The following SMIM9 variants were observed in gnomAD, a reference collection of about 807,000 sequenced individuals.
SMIM9 encodes chromosome X open reading frame 68.
SMIM9 carries 8 observed loss-of-function variants against 7.2 expected under a neutral mutation model. The observed-to-expected ratio is 1.10, with a 90% CI of 0.65 to 1.99. SMIM9 has a LOEUF of 1.99. Ranked by LOEUF, SMIM9 falls within the 30% of genes most tolerant of loss-of-function variation. SMIM9 has a pLI of 0.00. For missense variants in SMIM9, 76 were observed against 69.3 expected (o/e 1.10, Z -0.34); for synonymous variants, 19 against 26.4 (o/e 0.72, Z 0.86).
Position 154,830,797 on chromosome X carries a change from C to G in SMIM9, c.60G>C (p.Leu20Phe), listed in dbSNP as rs1169179939. The change falls in exon 3 of 5, where the codon TTG (leucine) becomes TTC (phenylalanine). Residue 20 changes from leucine (L) to phenylalanine (F), a missense_variant. By Grantham distance (22) the Leu-to-Phe change is conservative (BLOSUM62 0). Transcript: ENST00000369529. Reference sequence around the variant, plus strand: ...AAGGAGAGGAAGCTACTGTCTCCAACAAGAGGCAAGTTAGAGAGCATAGCA... The same window carrying G: ...AAGGAGAGGAAGCTACTGTCTCCAAGAAGAGGCAAGTTAGAGAGCATAGCA... Reference protein sequence around the residue: ...GFLLCSLTCLLLETVASSPLP... With the variant: ...GFLLCSLTCLFLETVASSPLP... The G allele has an allele frequency of 8.6e-7, 1 of 1,165,806 alleles. No homozygotes were observed. Among genetic ancestry groups the G allele is most frequent in the African/African-American group, 1.8e-5 (1 of 55,538 alleles).
At chrX:154,826,587 G>A (rs1485859683) in intron 4 of SMIM9, among the ~76,000 whole-genome samples, 1 of 112,365 alleles carries the variant, frequency 8.9e-6, no homozygotes, top group South Asian at 3.7e-4. Context: ...TGTATCAAAT[G>A]TTTTGAATTT....
At position 154,824,261 on chromosome X, in the gene SMIM9, G is replaced by A. The variant is rs782506132; in HGVS notation, c.273-479C>T. Among the ~76,000 whole-genome samples the A allele has an allele frequency of 3.8e-5, 4 of 104,519 alleles. No homozygotes were observed. The East Asian group carries it at 9.1e-4, about 24-fold the overall frequency. The allele number at this position is 104,519 out of a possible 115,157, so 90.8% of individuals were successfully genotyped here. A position where few individuals can be genotyped will look rare whatever the true frequency, so the allele number is the denominator to read the frequency against. ...AGTCCCAGCTACTCGGGAGGCTGAG[G>A]CAGGAGAATGGCGTGAACCCGGAGG... is the stretch of plus-strand genomic sequence containing the variant. On this transcript the variant is annotated intron_variant, in intron 4 of 4. Coordinates refer to ENST00000369529, the MANE Select transcript of SMIM9 (RefSeq NM_001162936.4).
At chrX:154,834,272 A>AAC (rs2072458880) in intron 1 of SMIM9, among the ~76,000 whole-genome samples, 1 of 112,366 alleles carries the variant, frequency 8.9e-6, no homozygotes, top group African/African-American at 3.2e-5. Flanking sequence ...ATGGTGGAGT[A>AAC]ACATGCATGA....
intron 4 of SMIM9, among the ~76,000 whole-genome samples, chrX:154,824,379 A>G (rs1466236305): frequency 9.4e-6 from 1 of 106,436 alleles, no homozygotes; most frequent in Non-Finnish European, 2.0e-5. Context: ...AAAAAAAAGA[A>G]AAAGAAAAAA....
chrX:154,823,524 T>C lies in SMIM9; in HGVS notation c.*231A>G, dbSNP rs1557270020. 3.4e-6 allele frequency: 1 copy of C among 296,732 alleles called. No homozygotes were observed. The highest frequency in any genetic ancestry group is 5.9e-6 in the Non-Finnish European group (1 of 170,417). 24.5% of individuals were successfully genotyped at this position (296,732 alleles called of 1,213,427 possible). A position where few individuals can be genotyped will look rare whatever the true frequency, so the allele number is the denominator to read the frequency against. On this transcript the variant is annotated 3_prime_UTR_variant, in exon 5 of 5. Transcript: ENST00000369529. ...CTCTTTTCTCTGTATTTCTCAAATT[T>C]TTTTTGCAATAAATATGTATTACTA...
intron 4 of SMIM9, among the ~76,000 whole-genome samples, chrX:154,824,355 CAAAAAAAAAAAAAA>C (rs375492512): frequency 2.4e-5 from 1 of 42,450 alleles, no homozygotes; most frequent in Non-Finnish European, 4.2e-5. Context: ...GACTCCGTCT[CAAAAAAAAAAAAAA>C]AAAAAAAGAA....
chrX:154,830,343 G>A (rs1455126789), intron 3 of SMIM9, among the ~76,000 whole-genome samples: 1 of 111,440 alleles, frequency 9.0e-6, no homozygotes. Flanking sequence ...TGGACCATCA[G>A]GTTTATTTTC....
chrX:154,830,804 C>A lies in SMIM9; in HGVS notation c.53G>T (p.Cys18Phe). 8.6e-7 allele frequency: 1 copy of A among 1,167,522 alleles called. No homozygotes were observed. Among genetic ancestry groups the A allele is most frequent in the Non-Finnish European group, 1.1e-6 (1 of 872,852 alleles). ...GGAAGCTACTGTCTCCAACAAGAGG[C>A]AAGTTAGAGAGCATAGCAGAAATCC... is the stretch of plus-strand genomic sequence containing the variant. ...IIGFLLCSLTCLLLETVASSP... is the reference protein window; with the variant it reads ...IIGFLLCSLTFLLLETVASSP... The change falls in exon 3 of 5, where the codon TGC becomes TTC. Residue 18 changes from cysteine to phenylalanine, a missense_variant. Physicochemically the swap from Cys to Phe is radical, Grantham distance 205 (BLOSUM62 -2). Coordinates refer to ENST00000369529, the MANE Select transcript of SMIM9 (RefSeq NM_001162936.4).
chrX:154,831,016 C>T (rs1260973519), intron 2 of SMIM9, 61 bp from the exon 3 acceptor site: 2 of 561,108 alleles, frequency 3.6e-6, no homozygotes, highest in African/African-American at 4.7e-5. Flanking sequence ...CCATCACGAA[C>T]ATAAGGACAA....
At chrX:154,824,185 G>A (rs1259322767) in intron 4 of SMIM9, among the ~76,000 whole-genome samples, 11 of 108,571 alleles carry the variant, frequency 1.0e-4, no homozygotes, top group Non-Finnish European at 2.1e-4. Context: ...GTGAAACCCC[G>A]TCTCTACTAA....
At chrX:154,829,438 A>G in intron 4 of SMIM9, 97 bp downstream of exon 4, 1 of 996,205 alleles carries the variant, frequency 1.0e-6, no homozygotes, top group Non-Finnish European at 1.3e-6. Flanking sequence ...CTTTCCCTTA[A>G]TTACAGATAT....
intron 1 of SMIM9, among the ~76,000 whole-genome samples, chrX:154,833,614 G>A (rs781945936): frequency 3.6e-4 from 40 of 110,649 alleles, no homozygotes; most frequent in African/African-American, 1.2e-3. Flanking sequence ...GACATGAGGG[G>A]CTTAAAACCT....
chrX:154,829,452 G>A, intron 4 of SMIM9, 83 bp downstream of exon 4: 1 of 1,068,799 alleles, frequency 9.4e-7, no homozygotes, highest in Non-Finnish European at 1.2e-6. Context: ...CAGATATGCA[G>A]GCTGGTGAGC....
chrX:154,834,497 TAA>T, intron 1 of SMIM9, 64 bp downstream of exon 1: 1 of 112,555 alleles, frequency 8.9e-6, no homozygotes, highest in East Asian at 2.8e-4. Flanking sequence ...GGCTGTCATA[TAA>T]GTTAACTTTA....
chrX:154,829,605 C>A lies in SMIM9; in HGVS notation c.202G>T (p.Ala68Ser). The part of the protein sequence containing the change: ...RDYLWQLIKS[A>S]LPPAAIVAFL... ...GCAACAATGGCTGCTGGAGGTAAGG[C>A]ACTCTTGATAAGTTGCCATAAGTAA... Residue 68 changes from alanine (A) to serine (S), a missense_variant, in exon 4 of 5, where the codon GCC (alanine) becomes TCC (serine). Ala to Ser is a moderately conservative substitution (Grantham distance 99, BLOSUM62 1). Transcript: ENST00000369529. 1 of 1,167,480 alleles carries A rather than the reference C, an allele frequency of 8.6e-7. No homozygotes were observed. The highest frequency in any genetic ancestry group is 1.1e-6 in the Non-Finnish European group (1 of 872,728).
intron 4 of SMIM9, among the ~76,000 whole-genome samples, chrX:154,824,229 C>T (rs368025018): frequency 3.7e-5 from 4 of 108,560 alleles, no homozygotes; most frequent in Non-Finnish European, 5.8e-5. Flanking sequence ...TGGTGGCGGG[C>T]GCCTGTAGTC....
intron 4 of SMIM9, among the ~76,000 whole-genome samples, chrX:154,824,302 G>C (rs966105064): frequency 2.2e-5 from 2 of 92,830 alleles, no homozygotes; most frequent in Non-Finnish European, 4.1e-5. Flanking sequence ...CTTGCAGTGA[G>C]CCGAGATCAC....
At chrX:154,824,759 T>C (rs1282453236) in intron 4 of SMIM9, among the ~76,000 whole-genome samples, 1 of 112,433 alleles carries the variant, frequency 8.9e-6, no homozygotes, top group East Asian at 2.8e-4. Context: ...CATATCTTTG[T>C]GGACTTGTTA....
intron 2 of SMIM9, 60 bp from the exon 3 acceptor site, chrX:154,831,015 A>C (rs1325627082): frequency 3.6e-6 from 2 of 559,275 alleles, no homozygotes; most frequent in Non-Finnish European, 5.5e-6. Context: ...ACCATCACGA[A>C]CATAAGGACA....
Sources: gnomAD v4.1 joint callset for allele counts (sites outside exome capture counted in the v4.1 genomes callset) on GRCh38, gnomAD v4.1.1 for gene constraint, MANE v1.5 for transcripts, NCBI Gene and HGNC (gene_info 2026-07-23, HGNC 2026-07-21) for gene names.